Variants in ADPRHL1 observed in about 807,000 individuals in gnomAD.
ADPRHL1 encodes the protein ADP-ribosylhydrolase like 1, also known as inactive ADP-ribosyltransferase ARH2.
Under a neutral mutation model 44.1 loss-of-function variants are expected in ADPRHL1, and 43 were observed. That is an observed-to-expected ratio of 0.98 (90% CI 0.76 to 1.26). The LOEUF is 1.26. Among genes scored for constraint, ADPRHL1 ranks in the 50% most tolerant of loss-of-function variants. The probability of loss-of-function intolerance (pLI) is 0.00; values close to 1 mark genes in which losing one functional copy is unlikely to be tolerated. For synonymous variants in ADPRHL1, 878 were observed against 1,017.4 expected, an observed-to-expected ratio of 0.86 and a Z score of 2.61; for missense variants, 2,022 against 2,496.9, an observed-to-expected ratio of 0.81 and a Z score of 4.05.
intron 1 of ADPRHL1, among the ~76,000 whole-genome samples, chr13:113,446,033 A>G (rs1440015961): frequency 6.7e-6 from 1 of 149,026 alleles, no homozygotes; most frequent in Non-Finnish European, 1.5e-5. Context: ...AGCGGCTGCA[A>G]ACCCCACAGA....
chr13:113,446,676 C>T (rs1161976629), intron 1 of ADPRHL1, among the ~76,000 whole-genome samples: 1 of 151,822 alleles, frequency 6.6e-6, no homozygotes. Context: ...GTGTTGTCTA[C>T]ACACATGGTA....
At chr13:113,438,465 A>G (rs997067771) in intron 2 of ADPRHL1, among the ~76,000 whole-genome samples, 32 of 152,082 alleles carry the variant, frequency 2.1e-4, no homozygotes, top group African/African-American at 7.5e-4. Context: ...AGGCCAAGGC[A>G]GGCAGATCAC....
chr13:113,405,412 A>G lies in ADPRHL1; in HGVS notation c.3870T>C (p.Pro1290=). The change falls in exon 8 of 8, where the codon CCT becomes CCC. Residue 1290 remains proline (P), a synonymous_variant. Transcript: ENST00000612156. ...TGCCCTTTGCCTGTGGGTTCTCAGG[A>G]GGCGACGGCGGGAGGCCAGGGCCAT... The part of the protein sequence containing the change: ...PSYGPGLPPS[P]PENPQAKGRE... 1 of 1,231,942 alleles carries G rather than the reference A, an allele frequency of 8.1e-7. No individual in the cohort carries two copies. The highest frequency in any genetic ancestry group is 4.1e-5 in the South Asian group (1 of 24,318). 76.3% of individuals were successfully genotyped at this position (1,231,942 alleles called of 1,614,324 possible). A position where few individuals can be genotyped will look rare whatever the true frequency, so the allele number is the denominator to read the frequency against.
chr13:113,417,637 G>A (rs978915139), intron 7 of ADPRHL1, among the ~76,000 whole-genome samples: 2 of 152,242 alleles, frequency 1.3e-5, no homozygotes, highest in Non-Finnish European at 2.9e-5. Flanking sequence ...CACGAATCCC[G>A]AGACGGTCTC....
chr13:113,412,041 G>T (rs912595184), intron 7 of ADPRHL1, among the ~76,000 whole-genome samples: 5 of 152,194 alleles, frequency 3.3e-5, no homozygotes, highest in African/African-American at 1.2e-4. Flanking sequence ...CCTGCGGGTG[G>T]TTCCTTCTTC....
At chr13:113,439,866 T>C (rs1193677430) in intron 2 of ADPRHL1, among the ~76,000 whole-genome samples, 1 of 152,248 alleles carries the variant, frequency 6.6e-6, no homozygotes, top group Non-Finnish European at 1.5e-5. Context: ...GTTAAATGTA[T>C]TGGCATAAAA....
At position 113,400,948 on chromosome 13, in the gene ADPRHL1, C is replaced by T. The variant is rs1400988754; in HGVS notation, c.*2430G>A. ...ACCACTCAATGCCTTCTCCAGTGTACTCTCTGGTCTATTTAAAAATAGCAG... is the reference window on the plus strand; with the variant it reads ...ACCACTCAATGCCTTCTCCAGTGTATTCTCTGGTCTATTTAAAAATAGCAG... On this transcript the variant is annotated 3_prime_UTR_variant, in exon 8 of 8. Coordinates refer to ENST00000612156, the MANE Select transcript of ADPRHL1 (RefSeq NM_001394807.1). 6.6e-6 allele frequency: 1 copy of T among 152,248 alleles called. No homozygotes were observed. The highest frequency in any genetic ancestry group is 1.9e-4 in the East Asian group (1 of 5,196). 9.4% of individuals were successfully genotyped at this position (152,248 alleles called of 1,614,324 possible). A position where few individuals can be genotyped will look rare whatever the true frequency, so the allele number is the denominator to read the frequency against.
chr13:113,439,795 CTCT>C, intron 2 of ADPRHL1, among the ~76,000 whole-genome samples: 1 of 152,168 alleles, frequency 6.6e-6, no homozygotes, highest in Non-Finnish European at 1.5e-5. Context: ...GACCTTTCTC[CTCT>C]TGAGTGACCT....
At chr13:113,446,025 C>T (rs938617620) in intron 1 of ADPRHL1, among the ~76,000 whole-genome samples, 94 of 143,784 alleles carry the variant, frequency 6.5e-4, no homozygotes, top group Non-Finnish European at 1.2e-3. Flanking sequence ...TGGGGCCCAG[C>T]GGCTGCAAAC....
Position 113,405,660 on chromosome 13 carries a change from G to A in ADPRHL1, c.3622C>T (p.Leu1208Phe). The change falls in exon 8 of 8, where the codon CTC (leucine) becomes TTC (phenylalanine). Residue 1208 changes from leucine to phenylalanine, a missense_variant. By Grantham distance (22) the Leu-to-Phe change is conservative (BLOSUM62 0). Transcript: ENST00000612156. ...LVQHPEDIAT[L>F]ARHPEDAAAL... is the part of the protein sequence containing the mutation. ...GCAGCATCCTCCGGGTGGCGGGCGA[G>A]GGTCGCAATGTCCTCTGGGTGCTGG... 8.1e-7 allele frequency: 1 copy of A among 1,232,778 alleles called. No individual in the cohort carries two copies. Among genetic ancestry groups the A allele is most frequent in the East Asian group, 3.2e-5 (1 of 31,730 alleles). 76.4% of individuals were successfully genotyped at this position (1,232,778 alleles called of 1,614,324 possible). A position where few individuals can be genotyped will look rare whatever the true frequency, so the allele number is the denominator to read the frequency against.
At chr13:113,429,448 C>T (rs1371257978) in intron 3 of ADPRHL1, among the ~76,000 whole-genome samples, 1 of 152,214 alleles carries the variant, frequency 6.6e-6, no homozygotes, top group African/African-American at 2.4e-5. Context: ...GGGCGTGTTC[C>T]ACTCAGGACG....
intron 4 of ADPRHL1, among the ~76,000 whole-genome samples, chr13:113,426,816 G>A (rs1385820540): frequency 2.6e-5 from 4 of 152,186 alleles, no homozygotes; most frequent in Admixed American, 2.0e-4. Context: ...CGAGTCAGCC[G>A]GGGTTGGCCA....
rs1487654233 is a variant in ADPRHL1, at chr13:113,409,750, G to T, written c.1062-1530C>A. On this transcript the variant is annotated intron_variant, in intron 7 of 7. Transcript: ENST00000612156. This position sits in a 1 kb window ranked among gnomAD's most constrained non-coding sequence, Gnocchi z 4.2. ...AGATATAAAAAAAAATCAGCCGGGC[G>T]TGGTGGCGGGCGCCTGTAGTCCCAG... 1.6e-6 allele frequency: 1 copy of T among 644,162 alleles called. No homozygotes were observed. Among genetic ancestry groups the T allele is most frequent in the Non-Finnish European group, 1.9e-6 (1 of 518,496 alleles). The allele number at this position is 644,162 out of a possible 1,614,324, so 39.9% of individuals were successfully genotyped here.
At position 113,403,362 on chromosome 13, in the gene ADPRHL1, G is replaced by A. The variant is rs961407586; in HGVS notation, c.*16C>T. 12 of 1,231,776 alleles carry A rather than the reference G, an allele frequency of 9.7e-6. No homozygotes were observed. Among genetic ancestry groups the A allele is most frequent in the African/African-American group, 3.1e-5 (2 of 64,404 alleles). The allele number at this position is 1,231,776 out of a possible 1,614,324, so 76.3% of individuals were successfully genotyped here. A position where few individuals can be genotyped will look rare whatever the true frequency, so the allele number is the denominator to read the frequency against. On this transcript the variant is annotated 3_prime_UTR_variant, in exon 8 of 8. Transcript: ENST00000612156. Reference sequence around the variant, plus strand: ...ATGTCACAGTGCTGGGCGAGCCACGGTGTGTACTCGGGGCCTCACTTTGGG... The same window carrying A: ...ATGTCACAGTGCTGGGCGAGCCACGATGTGTACTCGGGGCCTCACTTTGGG...
At chr13:113,430,138 G>T (rs1360017179) in intron 3 of ADPRHL1, among the ~76,000 whole-genome samples, 2 of 152,182 alleles carry the variant, frequency 1.3e-5, no homozygotes. Context: ...GGCCACGTCT[G>T]GCCCCACTAG....
rs2043809230 is a variant in ADPRHL1 at position 113,406,456 on chromosome 13, T to G, written c.2826A>C (p.Thr942=). 1 of 1,232,016 alleles carries G rather than the reference T, an allele frequency of 8.1e-7. No individual in the cohort carries two copies. Among genetic ancestry groups the G allele is most frequent in the Non-Finnish European group, 1.0e-6 (1 of 987,980 alleles). The allele number at this position is 1,232,016 out of a possible 1,614,324, so 76.3% of individuals were successfully genotyped here. A position where few individuals can be genotyped will look rare whatever the true frequency, so the allele number is the denominator to read the frequency against. ...CTGTCTGGAGTCTCTGTGTCAGAAG[T>G]GTCTCTGGGACACTGTGGTCGGCGC... The part of the protein sequence containing the change: ...AVGADHSVPE[T]LLTQRLQTDP... Residue 942 remains threonine (T), a synonymous_variant, in exon 8 of 8, where the codon ACA becomes ACC. Coordinates refer to ENST00000612156, the MANE Select transcript of ADPRHL1 (RefSeq NM_001394807.1).
At position 113,407,274 on chromosome 13, in the gene ADPRHL1, C is replaced by T. The variant is rs1387660052; in HGVS notation, c.2008G>A (p.Val670Met). The change falls in exon 8 of 8, where the codon GTG becomes ATG. Residue 670 changes from valine (V) to methionine (M), a missense_variant. Physicochemically the swap from Val to Met is conservative, Grantham distance 21 (BLOSUM62 1). This residue lies in a region of ADPRHL1 where 1,221 missense variants were observed against 1,517.8 expected (regional missense o/e 0.80). Coordinates refer to ENST00000612156, the MANE Select transcript of ADPRHL1 (RefSeq NM_001394807.1). ...TCCTCCTCCAGGGGCCCCTTTCCCA[C>T]TGCTTTGTTCCCACTGGGCCCCGTC... ...RETGPSGNKA[V>M]GKGPLEEEPQ... 8.1e-7 allele frequency: 1 copy of T among 1,231,972 alleles called. No individual in the cohort carries two copies. The allele number at this position is 1,231,972 out of a possible 1,614,324, so 76.3% of individuals were successfully genotyped here.
chr13:113,421,529 G>A lies in ADPRHL1; in HGVS notation c.1061+1297C>T, dbSNP rs77175081. On this transcript the variant is annotated intron_variant, in intron 7 of 7. Coordinates refer to ENST00000612156, the MANE Select transcript of ADPRHL1 (RefSeq NM_001394807.1). ...GCTCCTTGCACTGAATGAATGCAGG[G>A]GTCATTTCCATCAAGGGGAGGCGGC... Among the ~76,000 whole-genome samples the A allele has an allele frequency of 2.0e-5, 3 of 152,280 alleles. No homozygotes were observed. The East Asian group carries it at 5.8e-4, about 29-fold the overall frequency.
In ADPRHL1 at chr13:113,405,517, CA is replaced by C; in HGVS notation, c.3764del (p.Leu1255TrpfsTer73). 8.1e-7 allele frequency: 1 copy of C among 1,232,110 alleles called. No individual in the cohort carries two copies. The allele number at this position is 1,232,110 out of a possible 1,614,324, so 76.3% of individuals were successfully genotyped here. ...GAATTCCAGACTCTGTGCTGAAACC[CA>C]AAAGGTTTCCTTCCACAGCCACATC... ...RKDVAVEGNL[L>X]GFSTESGIPA... On this transcript the variant is annotated frameshift_variant, in exon 8 of 8. Coordinates refer to ENST00000612156, the MANE Select transcript of ADPRHL1 (RefSeq NM_001394807.1). LOFTEE classifies it low-confidence loss of function (END_TRUNC).
Sources: gnomAD v4.1 joint callset for allele counts (sites outside exome capture counted in the v4.1 genomes callset) on GRCh38, gnomAD v4.1.1 for gene constraint, gnomAD v4.1.1 regional missense constraint, Gnocchi (gnomAD v3.1) non-coding constraint, MANE v1.5 for transcripts, NCBI Gene and HGNC (gene_info 2026-07-23, HGNC 2026-07-21) for gene names.